SLC10A7: variants seen among roughly 807,000 people sequenced by gnomAD.
The protein encoded by SLC10A7 is solute carrier family 10 member 7.
Under a neutral mutation model 43.2 loss-of-function variants are expected in SLC10A7, and 29 were observed. That is an observed-to-expected ratio of 0.67 (90% CI 0.50 to 0.92). The LOEUF (loss-of-function observed/expected upper bound fraction) is 0.92, where lower values mean the gene tolerates loss of function less well. SLC10A7 is among the 40% of genes least tolerant of loss of function. SLC10A7 has a pLI of 0.00. For missense variants in SLC10A7, 295 were observed against 403.2 expected (o/e 0.73, Z 2.30); for synonymous variants, 152 against 144.8 (o/e 1.05, Z -0.35).
intron 4 of SLC10A7, among the ~76,000 whole-genome samples, chr4:146,491,730 A>G (rs865783817): frequency 6.9e-6 from 1 of 144,208 alleles, no homozygotes; most frequent in Non-Finnish European, 1.6e-5. Flanking sequence ...GAAGGAAGGA[A>G]GGAAGGAAGG....
At chr4:146,391,632 G>C (rs144680007) in intron 5 of SLC10A7, among the ~76,000 whole-genome samples, 10 of 152,310 alleles carry the variant, frequency 6.6e-5, no homozygotes, top group African/African-American at 2.2e-4. Context: ...ATGAAGTCTT[G>C]TCTTCTCAAG....
At chr4:146,449,557 G>T (rs1399729198) in intron 4 of SLC10A7, among the ~76,000 whole-genome samples, 1 of 152,090 alleles carries the variant, frequency 6.6e-6, no homozygotes, top group Non-Finnish European at 1.5e-5. Flanking sequence ...GGGCCACAGT[G>T]TGACAGTATC....
At chr4:146,391,978 A>G (rs1363649119) in intron 5 of SLC10A7, among the ~76,000 whole-genome samples, 2 of 152,254 alleles carry the variant, frequency 1.3e-5, no homozygotes, top group African/African-American at 2.4e-5. Context: ...TTTGCCATCA[A>G]TAACACTGAA....
chr4:146,362,146 G>C (rs953989558), intron 5 of SLC10A7, among the ~76,000 whole-genome samples: 42 of 152,196 alleles, frequency 2.8e-4, no homozygotes, highest in Non-Finnish European at 4.3e-4. Flanking sequence ...GGCCTTAAGA[G>C]GCTGTAGAGA....
At chr4:146,477,866 C>A (rs957504989) in intron 4 of SLC10A7, 1 of 152,176 alleles carries the variant, frequency 6.6e-6, no homozygotes, top group African/African-American at 2.4e-5. Context: ...TAACTTAGAA[C>A]CATAATGCCC....
At chr4:146,470,037 T>G (rs1733418381) in intron 4 of SLC10A7, among the ~76,000 whole-genome samples, 1 of 152,228 alleles carries the variant, frequency 6.6e-6, no homozygotes, top group Non-Finnish European at 1.5e-5. Context: ...GGGGCAGATA[T>G]ATAACTATGC....
chr4:146,303,349 G>A lies in SLC10A7; in HGVS notation c.555+2577C>T, dbSNP rs115050736. 4.5e-3 allele frequency among the ~76,000 whole-genome samples: 681 copies of A among 151,302 alleles called. 6 individuals carry two copies. Among genetic ancestry groups the A allele is most frequent in the African/African-American group, 0.014 (578 of 41,230 alleles). On this transcript the variant is annotated intron_variant, in intron 7 of 11. Transcript: ENST00000335472. ...CTAGGACAGCATGTAAATATTACAC[G>A]TCTATGCACACATTTCTTTTTCTTT...
At chr4:146,449,632 A>C (rs543345008) in intron 4 of SLC10A7, among the ~76,000 whole-genome samples, 1 of 152,190 alleles carries the variant, frequency 6.6e-6, no homozygotes, top group Admixed American at 6.5e-5. Context: ...TGGAAGTAGA[A>C]AAGGTGAGAA....
intron 3 of SLC10A7, among the ~76,000 whole-genome samples, chr4:146,508,163 C>T (rs541386521): frequency 5.3e-5 from 8 of 152,258 alleles, no homozygotes; most frequent in South Asian, 4.1e-4. Context: ...GAAATCTCTA[C>T]GAGTACCCAA....
At chr4:146,428,348 T>C (rs1729522502) in intron 5 of SLC10A7, among the ~76,000 whole-genome samples, 1 of 152,210 alleles carries the variant, frequency 6.6e-6, no homozygotes, top group African/African-American at 2.4e-5. Context: ...TTATTTTCTA[T>C]ATCTCATTTA....
chr4:146,355,497 T>C (rs1444848324), intron 5 of SLC10A7, among the ~76,000 whole-genome samples: 2 of 151,670 alleles, frequency 1.3e-5, no homozygotes, highest in African/African-American at 2.4e-5. Context: ...CTCAGGGATC[T>C]AGAACTAGAA....
chr4:146,433,239 G>A (rs1414509292), intron 5 of SLC10A7, among the ~76,000 whole-genome samples: 5 of 142,838 alleles, frequency 3.5e-5, no homozygotes, highest in Admixed American at 7.1e-5. Context: ...TCAGCTCACT[G>A]CAACCTCTGC....
At chr4:146,297,632 T>C (rs1297527364) in intron 7 of SLC10A7, among the ~76,000 whole-genome samples, 6 of 152,232 alleles carry the variant, frequency 3.9e-5, no homozygotes, top group African/African-American at 1.4e-4. Context: ...TGGTTTCAGT[T>C]TGTTTCTTCA....
rs571174727 is a variant in SLC10A7 at position 146,517,988 on chromosome 4, TA to T, written c.101-869del. Among the ~76,000 whole-genome samples the T allele has an allele frequency of 1.6e-3, 240 of 152,312 alleles. 2 individuals carry two copies. The highest frequency in any genetic ancestry group is 0.014 in the Middle Eastern group (4 of 294). ...ATATTGCTATGACCGTAATTATTAT[TA>T]AATTGTGCTAGGCCCTAGAGATATG... On this transcript the variant is annotated intron_variant, in intron 1 of 11. Transcript: ENST00000335472.
chr4:146,480,667 A>T (rs940160592), intron 4 of SLC10A7, among the ~76,000 whole-genome samples: 2 of 152,150 alleles, frequency 1.3e-5, no homozygotes, highest in Admixed American at 6.5e-5. Flanking sequence ...TAATTTAGTC[A>T]CATGGCCAAA....
chr4:146,328,787 A>T (rs1347035277), intron 5 of SLC10A7, among the ~76,000 whole-genome samples: 1 of 152,088 alleles, frequency 6.6e-6, no homozygotes, highest in Non-Finnish European at 1.5e-5. Flanking sequence ...GCAACCTACC[A>T]AACCAACACT....
chr4:146,411,647 T>G (rs1294868146), intron 5 of SLC10A7, among the ~76,000 whole-genome samples: 1 of 152,170 alleles, frequency 6.6e-6, no homozygotes, highest in African/African-American at 2.4e-5. Context: ...TGAAAAATAA[T>G]TCATGGTGAG....
chr4:146,363,909 T>A (rs1234396929), intron 5 of SLC10A7, among the ~76,000 whole-genome samples: 1 of 150,706 alleles, frequency 6.6e-6, no homozygotes, highest in East Asian at 2.0e-4. Flanking sequence ...GGAGAAAAAC[T>A]TCAAATAAAT....
chr4:146,292,288 A>T (rs1023483097), intron 9 of SLC10A7, among the ~76,000 whole-genome samples: 7 of 152,222 alleles, frequency 4.6e-5, no homozygotes, highest in African/African-American at 1.4e-4. Context: ...GCATAACAAA[A>T]GTTGGGTGTA....
Sources: allele counts gnomAD v4.1 joint callset (sites outside exome capture counted in the v4.1 genomes callset), GRCh38; gene constraint gnomAD v4.1.1; transcripts MANE v1.5; gene names NCBI Gene and HGNC (gene_info 2026-07-23, HGNC 2026-07-21).